The following FAM199X variants were observed in gnomAD, a reference collection of about 807,000 sequenced individuals.
FAM199X encodes the protein family with sequence similarity 199, X-linked, also known as protein FAM199X.
Under a neutral mutation model 22.9 loss-of-function variants are expected in FAM199X, and 4 were observed. The ratio of observed to expected loss-of-function variants is 0.17; its 90% CI spans 0.09 to 0.40. FAM199X has a LOEUF of 0.40. Ranked by LOEUF, FAM199X falls within the 10% of genes least tolerant of loss-of-function variation. The pLI, the probability that FAM199X is intolerant of heterozygous loss-of-function variation, is 1.00. For synonymous variants in FAM199X, 101 were observed against 112.3 expected (o/e 0.90, Z 0.64); for missense variants, 183 against 306.8 (o/e 0.60, Z 3.01).
At chrX:104,166,073 C>T (rs781900242), upstream of FAM199X, among the ~76,000 whole-genome samples, 5 of 112,493 alleles carry the variant, frequency 4.4e-5, no homozygotes, top group East Asian at 1.1e-3. Flanking sequence ...TCCTACACCT[C>T]ATTGCACGGT....
chrX:104,165,953 A>G (rs952637837), upstream of FAM199X, among the ~76,000 whole-genome samples: 1 of 111,494 alleles, frequency 9.0e-6, no homozygotes, highest in African/African-American at 3.3e-5. Context: ...AGCACAAAAG[A>G]GTACGACGTG....
intron 1 of FAM199X, among the ~76,000 whole-genome samples, chrX:104,172,667 T>A (rs1348216144): frequency 9.1e-6 from 1 of 109,645 alleles, no homozygotes. Flanking sequence ...TTGGCAGTGA[T>A]CTAATGGTTA....
At chrX:104,173,379 C>T (rs189502139) in intron 1 of FAM199X, among the ~76,000 whole-genome samples, 40 of 111,535 alleles carry the variant, frequency 3.6e-4, no homozygotes, top group African/African-American at 1.2e-3. Context: ...TTATTGACAT[C>T]TACTTTCTAT....
At chrX:104,165,209 T>A (rs1921133659), upstream of FAM199X, among the ~76,000 whole-genome samples, 1 of 112,581 alleles carries the variant, frequency 8.9e-6, no homozygotes, top group Non-Finnish European at 1.9e-5. Context: ...CTTCTTGCAA[T>A]CTCAATGAAA....
At chrX:104,173,866 C>G (rs1169112442) in intron 1 of FAM199X, among the ~76,000 whole-genome samples, 3 of 112,315 alleles carry the variant, frequency 2.7e-5, no homozygotes, top group Non-Finnish European at 5.6e-5. Flanking sequence ...ACATAAAGAA[C>G]TCTTACAAAA....
upstream of FAM199X, among the ~76,000 whole-genome samples, chrX:104,161,895 G>A: frequency 9.0e-6 from 1 of 111,354 alleles, no homozygotes. Context: ...ATATAAAAAT[G>A]TTATAATCGT....
intron 1 of FAM199X, among the ~76,000 whole-genome samples, chrX:104,172,351 C>T (rs1393972253): frequency 9.4e-6 from 1 of 106,938 alleles, no homozygotes; most frequent in African/African-American, 3.4e-5. Flanking sequence ...CCCAGGAGGT[C>T]AAGCCTGCAG....
In FAM199X at chrX:104,186,057, T is replaced by G. The variant is rs373436858; in HGVS notation, c.418-9T>G. ...TTTCCTTCCCCACACCCTCCTTATTTTTATAAAGTTACCAGGCAGTGACAT... is the reference window on the plus strand; with the variant it reads ...TTTCCTTCCCCACACCCTCCTTATTGTTATAAAGTTACCAGGCAGTGACAT... On this transcript the variant is annotated splice_polypyrimidine_tract_variant and intron_variant, in intron 2 of 5. Coordinates refer to ENST00000493442, the MANE Select transcript of FAM199X (RefSeq NM_207318.4). 70 of 1,199,609 alleles carry G rather than the reference T, an allele frequency of 5.8e-5. No individual in the cohort carries two copies. The African/African-American group carries it at 1.2e-3, about 21-fold the overall frequency.
At chrX:104,171,648 A>C (rs184734922) in intron 1 of FAM199X, among the ~76,000 whole-genome samples, 1 of 112,488 alleles carries the variant, frequency 8.9e-6, no homozygotes, top group Non-Finnish European at 1.9e-5. Context: ...TGTTTCTTTT[A>C]ATGTGTCTAT....
rs781803967 is a variant in FAM199X, at chrX:104,188,138, C to G, written c.828C>G (p.Ser276Arg). The change falls in exon 5 of 6, where the codon AGC becomes AGG. Residue 276 changes from serine to arginine, a missense_variant. Physicochemically the swap from Ser to Arg is moderately radical, Grantham distance 110. Transcript: ENST00000493442. ...NFSCASTSGV[S>R]GASASASSSS... ...GTTGTGCAAGCACCAGTGGAGTGAG[C>G]GGTGCCAGTGCCAGCGCCAGCAGCA... The G allele has an allele frequency of 1.7e-6, 2 of 1,209,719 alleles. No individual in the cohort carries two copies. Among genetic ancestry groups the G allele is most frequent in the Non-Finnish European group, 2.2e-6 (2 of 895,217 alleles).
chrX:104,169,521 C>T (rs1378364750), intron 1 of FAM199X, among the ~76,000 whole-genome samples: 1 of 111,872 alleles, frequency 8.9e-6, no homozygotes, highest in Non-Finnish European at 1.9e-5. Context: ...TTAACAAAGA[C>T]AGTCACAGCA....
Position 104,189,917 on chromosome X carries a change from G to A in FAM199X, c.*139G>A. The stretch of plus-strand genomic sequence containing the variant: ...TTTAAGCCAGTGGTTCTTGGCAGGT[G>A]ATCCCAAGACCTGCAGCTTCAGCAT... On this transcript the variant is annotated 3_prime_UTR_variant, in exon 6 of 6. Transcript: ENST00000493442. 5.2e-6 allele frequency: 3 copies of A among 574,534 alleles called. No homozygotes were observed. The highest frequency in any genetic ancestry group is 3.6e-5 in the East Asian group (1 of 27,807). The allele number at this position is 574,534 out of a possible 1,213,427, so 47.3% of individuals were successfully genotyped here.
intron 1 of FAM199X, among the ~76,000 whole-genome samples, chrX:104,173,275 T>G (rs1921403544): frequency 8.9e-6 from 1 of 112,222 alleles, no homozygotes; most frequent in Non-Finnish European, 1.9e-5. Flanking sequence ...AAAATGAGGA[T>G]ACTGTTCACC....
At position 104,166,751 on chromosome X, in the gene FAM199X, C is replaced by G. The variant is rs1407499855; in HGVS notation, c.-35C>G. On this transcript the variant is annotated 5_prime_UTR_variant, in exon 1 of 6. Transcript: ENST00000493442. ...GGGCGGGCGCGGGAGCAGCCCAGGG[C>G]CAGAGAGGGAGCCCGAGCCAGGCCA... 8.5e-7 allele frequency: 1 copy of G among 1,175,790 alleles called. No individual in the cohort carries two copies. Among genetic ancestry groups the G allele is most frequent in the Middle Eastern group, 3.3e-4 (1 of 3,047 alleles).
intron 2 of FAM199X, among the ~76,000 whole-genome samples, chrX:104,179,455 T>G (rs782316476): frequency 1.8e-5 from 2 of 112,193 alleles, no homozygotes; most frequent in South Asian, 3.7e-4. Context: ...TGCTAGTGTA[T>G]GTATAGAAAT....
Position 104,172,643 on chromosome X carries a change from A to T in FAM199X, c.198-2980A>T, listed in dbSNP as rs782316004. Among the ~76,000 whole-genome samples the T allele has an allele frequency of 2.3e-4, 25 of 110,616 alleles. No homozygotes were observed. The South Asian group carries it at 9.6e-3, about 42-fold the overall frequency. Reference sequence around the variant, plus strand: ...AAAGGTAAGAGCACAAAATGAAGCAAATTCCTGACTCCTTTGGCAGTGATC... The same window carrying T: ...AAAGGTAAGAGCACAAAATGAAGCATATTCCTGACTCCTTTGGCAGTGATC... On this transcript the variant is annotated intron_variant, in intron 1 of 5. Coordinates refer to ENST00000493442, the MANE Select transcript of FAM199X (RefSeq NM_207318.4).
intron 4 of FAM199X, 142 bp from the exon 5 acceptor site, chrX:104,187,898 G>A: frequency 1.5e-6 from 1 of 653,066 alleles, no homozygotes; most frequent in Admixed American, 3.3e-5. Context: ...TCTAAATTTA[G>A]CCTTTCTATT....
the FAM199X span, among the ~76,000 whole-genome samples, chrX:104,160,455 T>TA: frequency 8.8e-6 from 1 of 113,030 alleles, no homozygotes; most frequent in Non-Finnish European, 1.9e-5. Flanking sequence ...GACACTGCTA[T>TA]AATAGCATGA....
At position 104,191,015 on chromosome X, in the gene FAM199X, A is replaced by G. The variant is rs1556380280; in HGVS notation, c.*1237A>G. On this transcript the variant is annotated 3_prime_UTR_variant, in exon 6 of 6. Coordinates refer to ENST00000493442, the MANE Select transcript of FAM199X (RefSeq NM_207318.4). Reference sequence around the variant, plus strand: ...TGAACATTCACATGGGTTAAAGAAGATGGAAACTGATACTACTGACAATCA... The same window carrying G: ...TGAACATTCACATGGGTTAAAGAAGGTGGAAACTGATACTACTGACAATCA... The G allele has an allele frequency of 8.9e-6, 1 of 111,911 alleles. No homozygotes were observed. The highest frequency in any genetic ancestry group is 3.2e-5 in the African/African-American group (1 of 30,812). 9.2% of individuals were successfully genotyped at this position (111,911 alleles called of 1,213,427 possible).
Sources: gnomAD v4.1 joint callset for allele counts (sites outside exome capture counted in the v4.1 genomes callset) on GRCh38, gnomAD v4.1.1 for gene constraint, MANE v1.5 for transcripts, NCBI Gene and HGNC (gene_info 2026-07-23, HGNC 2026-07-21) for gene names.